The following LARS2 variants were observed in gnomAD, a reference collection of about 807,000 sequenced individuals.
The protein encoded by LARS2 is leucine--tRNA ligase, mitochondrial.
A neutral mutation model predicts 116.6 loss-of-function variants in LARS2; 81 were observed. That is an observed-to-expected ratio of 0.69 (90% confidence interval 0.58 to 0.84). The LOEUF (loss-of-function observed/expected upper bound fraction) is 0.84. LARS2 is among the 40% of genes least tolerant of loss of function. The pLI, the probability that LARS2 is intolerant of heterozygous loss-of-function variation, is 0.00. For missense variants in LARS2, 968 were observed against 1,114.5 expected (o/e 0.87, Z 1.87); for synonymous variants, 396 against 407.2 (o/e 0.97, Z 0.33).
At chr3:45,531,004 C>T (rs1222677273) in intron 20 of LARS2, among the ~76,000 whole-genome samples, 1 of 152,196 alleles carries the variant, frequency 6.6e-6, no homozygotes, top group African/African-American at 2.4e-5. Flanking sequence ...CATCCTAGCT[C>T]ATGGTCTGTC....
At chr3:45,421,132 A>G (rs1459332109) in intron 6 of LARS2, 1 of 152,186 alleles carries the variant, frequency 6.6e-6, no homozygotes, top group Non-Finnish European at 1.5e-5. Context: ...CTTATTATAC[A>G]TTTAGATAGA....
chr3:45,536,874 A>C (rs1700715065), intron 20 of LARS2, among the ~76,000 whole-genome samples: 2 of 152,154 alleles, frequency 1.3e-5, no homozygotes, highest in South Asian at 4.1e-4. Context: ...CTTTATAGAG[A>C]TGTTAACATC....
At chr3:45,523,465 C>T (rs770951617) in intron 19 of LARS2, among the ~76,000 whole-genome samples, 15 of 152,024 alleles carry the variant, frequency 9.9e-5, no homozygotes, top group African/African-American at 1.4e-4. Flanking sequence ...GTAAGAATAC[C>T]ACCCTCAAAG....
intron 4 of LARS2, among the ~76,000 whole-genome samples, chr3:45,403,766 A>G (rs943089735): frequency 6.6e-6 from 1 of 152,152 alleles, no homozygotes; most frequent in African/African-American, 2.4e-5. Context: ...CCCAAAAGAC[A>G]AGGAGTCCTC....
In LARS2 at chr3:45,415,771, C is replaced by T. The variant is rs191917731; in HGVS notation, c.364-1711C>T. On this transcript the variant is annotated intron_variant, in intron 4 of 21. Coordinates refer to ENST00000645846, the MANE Select transcript of LARS2 (RefSeq NM_015340.4). ...GCTCAGGCAGGAGGATCACTTGAAC[C>T]TGGGAGGTGGAGGTTACAGTGAGCC... Among the ~76,000 whole-genome samples, 862 of 150,752 alleles carry T rather than the reference C, an allele frequency of 5.7e-3. 6 individuals carry two copies. Among genetic ancestry groups the T allele is most frequent in the African/African-American group, 0.02 (824 of 40,856 alleles).
intron 16 of LARS2, among the ~76,000 whole-genome samples, chr3:45,514,805 C>T (rs1214169116): frequency 6.6e-6 from 1 of 152,200 alleles, no homozygotes; most frequent in Admixed American, 6.5e-5. Context: ...CTAGACACAG[C>T]CTGGGGCAGG....
At chr3:45,501,780 C>T (rs1287071222) in intron 15 of LARS2, among the ~76,000 whole-genome samples, 1 of 152,214 alleles carries the variant, frequency 6.6e-6, no homozygotes, top group Non-Finnish European at 1.5e-5. Flanking sequence ...TTACCTAAGC[C>T]TATACTCCCA....
At chr3:45,506,894 A>G (rs533196194) in intron 15 of LARS2, 17 of 152,098 alleles carry the variant, frequency 1.1e-4, no homozygotes, top group African/African-American at 3.6e-4. Flanking sequence ...TGCAGTTTGT[A>G]CTTTAAGGTC....
intron 4 of LARS2, among the ~76,000 whole-genome samples, chr3:45,411,297 G>A (rs1698326777): frequency 6.6e-6 from 1 of 152,184 alleles, no homozygotes; most frequent in South Asian, 2.1e-4. Context: ...ACCACTATAG[G>A]AAAATTGACC....
intron 15 of LARS2, chr3:45,506,954 C>T (rs1156591303): frequency 6.6e-5 from 10 of 151,982 alleles, no homozygotes; most frequent in Non-Finnish European, 1.2e-4. Flanking sequence ...TGCCACCACA[C>T]AGGACAGCAG....
At chr3:45,397,371 A>C (rs1012067741) in intron 3 of LARS2, among the ~76,000 whole-genome samples, 1 of 152,220 alleles carries the variant, frequency 6.6e-6, no homozygotes, top group Admixed American at 6.5e-5. Context: ...CTTTTCTGTA[A>C]TAAACAGAAA....
intron 20 of LARS2, among the ~76,000 whole-genome samples, chr3:45,539,763 A>G (rs1314557684): frequency 6.6e-6 from 1 of 150,692 alleles, no homozygotes; most frequent in Non-Finnish European, 1.5e-5. Context: ...CTGTTCATAT[A>G]AAATTTTTAT....
At position 45,464,144 on chromosome 3, in the gene LARS2, G is replaced by A. The variant is rs535318995; in HGVS notation, c.750+5258G>A. 7.9e-5 allele frequency among the ~76,000 whole-genome samples: 12 copies of A among 152,232 alleles called. No homozygotes were observed. The East Asian group carries it at 1.9e-3, about 25-fold the overall frequency. Reference sequence around the variant, plus strand: ...CTGTGAGCTTGTGGGTAAAGCAGAGGTACCTTTACCAGAACACACTGGTCT... The same window carrying A: ...CTGTGAGCTTGTGGGTAAAGCAGAGATACCTTTACCAGAACACACTGGTCT... On this transcript the variant is annotated intron_variant, in intron 8 of 21. Transcript: ENST00000645846.
intron 4 of LARS2, among the ~76,000 whole-genome samples, chr3:45,413,665 T>A (rs1698370843): frequency 1.3e-5 from 2 of 152,230 alleles, no homozygotes; most frequent in Admixed American, 1.3e-4. Flanking sequence ...ATGGTCTCAG[T>A]TCTTTAGATG....
At chr3:45,533,032 T>C (rs566190430) in intron 20 of LARS2, among the ~76,000 whole-genome samples, 1 of 152,128 alleles carries the variant, frequency 6.6e-6, no homozygotes, top group African/African-American at 2.4e-5. Flanking sequence ...GAGGGAGGTA[T>C]TAGGCCCTGA....
chr3:45,391,919 G>A (rs1199888281), intron 2 of LARS2, among the ~76,000 whole-genome samples: 3 of 152,170 alleles, frequency 2.0e-5, no homozygotes, highest in Admixed American at 6.5e-5. Context: ...ATTTTGTTGT[G>A]CCCTTTTGTT....
intron 14 of LARS2, among the ~76,000 whole-genome samples, chr3:45,499,733 A>G (rs1310834562): frequency 6.6e-6 from 1 of 152,188 alleles, no homozygotes; most frequent in Admixed American, 6.5e-5. Flanking sequence ...ATTGGTAGGA[A>G]CTCTGACATC....
intron 4 of LARS2, among the ~76,000 whole-genome samples, chr3:45,409,200 A>T (rs1698285011): frequency 1.0e-5 from 1 of 97,234 alleles, no homozygotes; most frequent in Admixed American, 9.1e-5. Flanking sequence ...ATTTATTTTT[A>T]TTTTTATTTT....
chr3:45,449,262 A>G (rs192271693), intron 7 of LARS2, among the ~76,000 whole-genome samples: 2 of 149,758 alleles, frequency 1.3e-5, no homozygotes, highest in African/African-American at 4.9e-5. Context: ...TCCCGGGTTC[A>G]AGCAATTCTC....
Sources: allele counts gnomAD v4.1 joint callset (sites outside exome capture counted in the v4.1 genomes callset), GRCh38; gene constraint gnomAD v4.1.1; transcripts MANE v1.5; gene names NCBI Gene and HGNC (gene_info 2026-07-23, HGNC 2026-07-21).